Variants in NOL9 observed in about 807,000 individuals in gnomAD.
The protein encoded by NOL9 is polynucleotide 5'-hydroxyl-kinase NOL9.
NOL9 carries 28 observed loss-of-function variants against 67.9 expected under a neutral mutation model. The observed-to-expected ratio is 0.41, with a 90% CI of 0.31 to 0.57. The LOEUF (loss-of-function observed/expected upper bound fraction) is 0.57. Ranked by LOEUF, NOL9 falls within the 20% of genes least tolerant of loss-of-function variation. The probability of loss-of-function intolerance (pLI) is 0.25; values close to 1 mark genes in which losing one functional copy is unlikely to be tolerated. For missense variants in NOL9, 777 were observed against 897.0 expected (o/e 0.87, Z 1.71); for synonymous variants, 356 against 352.2 (o/e 1.01, Z -0.12).
intron 6 of NOL9, 99 bp from the exon 7 acceptor site, chr1:6,533,540 CA>C: frequency 2.3e-6 from 2 of 876,104 alleles, no homozygotes; most frequent in Non-Finnish European, 3.3e-6. Flanking sequence ...TTATCACTGA[CA>C]AAGAACCTTA....
chr1:6,532,655 T>C lies in NOL9; in HGVS notation c.1343A>G (p.Gln448Arg). 1.2e-6 allele frequency: 2 copies of C among 1,614,200 alleles called. No individual in the cohort carries two copies. The highest frequency in any genetic ancestry group is 2.2e-5 in the East Asian group (1 of 44,886). ...HSKYMPDLTP[Q>R]YVDDMDGLYT... ...CAAGCCATCCATGTCATCTACATAC[T>C]GCGGGGTAAGGTCTGGCATATATTT... The change falls in exon 8 of 12, where the codon CAG (glutamine) becomes CGG (arginine). Residue 448 changes from glutamine (Q) to arginine (R), a missense_variant. By Grantham distance (43) the Gln-to-Arg change is conservative. This residue lies in a region of NOL9 where 413 missense variants were observed against 552.6 expected (regional missense o/e 0.75). Coordinates refer to ENST00000377705, the MANE Select transcript of NOL9 (RefSeq NM_024654.5).
In NOL9 at chr1:6,541,946, G is replaced by GA. The variant is rs771853140; in HGVS notation, c.978-20dup. On this transcript the variant is annotated intron_variant, in intron 5 of 11. Coordinates refer to ENST00000377705, the MANE Select transcript of NOL9 (RefSeq NM_024654.5). Reference sequence around the variant, plus strand: ...GGGAAGACTGCAAATTTTTAAAAAAGAAAAAAGAAAGAAAATCCTAACTAG... The same window carrying GA: ...GGGAAGACTGCAAATTTTTAAAAAAGAAAAAAAGAAAGAAAATCCTAACTAG... 8.4e-5 allele frequency: 126 copies of GA among 1,507,808 alleles called. No individual in the cohort carries two copies. The African/African-American group carries it at 1.5e-3, about 18-fold the overall frequency. The allele number at this position is 1,507,808 out of a possible 1,614,324, so 93.4% of individuals were successfully genotyped here. A position where few individuals can be genotyped will look rare whatever the true frequency, so the allele number is the denominator to read the frequency against.
intron 3 of NOL9, 154 bp downstream of exon 3, chr1:6,549,417 C>T: frequency 5.0e-6 from 4 of 796,408 alleles, no homozygotes; most frequent in Non-Finnish European, 7.5e-6. Flanking sequence ...ATACACCTTT[C>T]TATAATAGTT....
rs147858484 is a variant in NOL9 at position 6,533,332 on chromosome 1, G to A, written c.1185C>T (p.Ser395=). 2.5e-5 allele frequency: 41 copies of A among 1,612,846 alleles called. No homozygotes were observed. The highest frequency in any genetic ancestry group is 6.6e-5 in the South Asian group (6 of 90,872). Reference sequence around the variant, plus strand: ...TGAGAGGGGACTCTCTCTTGTAAGCGCTGAACACATATTTCACTATGTCAA... The same window carrying A: ...TGAGAGGGGACTCTCTCTTGTAAGCACTGAACACATATTTCACTATGTCAA... ...NYIDIVKYVF[S]AYKRESPLIV... is the part of the protein sequence containing the mutation. Residue 395 remains serine (S), a synonymous_variant, in exon 7 of 12, where the codon AGC becomes AGT. Transcript: ENST00000377705.
At chr1:6,545,450 G>A (rs1639398091) in intron 3 of NOL9, among the ~76,000 whole-genome samples, 1 of 152,242 alleles carries the variant, frequency 6.6e-6, no homozygotes, top group African/African-American at 2.4e-5. Flanking sequence ...AGACATGACT[G>A]CACAGGAAAC....
At chr1:6,545,491 G>A (rs1382574816) in intron 3 of NOL9, among the ~76,000 whole-genome samples, 1 of 152,236 alleles carries the variant, frequency 6.6e-6, no homozygotes, top group Non-Finnish European at 1.5e-5. Context: ...TCTAGACCAG[G>A]TGAGTGATGT....
At chr1:6,553,064 G>A (rs774331744) in intron 1 of NOL9, among the ~76,000 whole-genome samples, 1 of 152,110 alleles carries the variant, frequency 6.6e-6, no homozygotes, top group Non-Finnish European at 1.5e-5. Context: ...TGCCAGCTTC[G>A]GCTTCCCAAA....
rs1248570872 is a variant in NOL9 at position 6,550,602 on chromosome 1, C to G, written c.410G>C (p.Ser137Thr). The change falls in exon 2 of 12, where the codon AGT becomes ACT. Residue 137 changes from serine to threonine, a missense_variant. Ser to Thr is a moderately conservative substitution (Grantham distance 58). Coordinates refer to ENST00000377705, the MANE Select transcript of NOL9 (RefSeq NM_024654.5). Reference protein sequence around the residue: ...LLPVEQGFTFSGICRVTCLYG... With the variant: ...LLPVEQGFTFTGICRVTCLYG... ...GAGGCAAGTCACACGACAGATCCCACTAAAAGTAAAACCCTAGCAGGGAGA... is the reference window on the plus strand; with the variant it reads ...GAGGCAAGTCACACGACAGATCCCAGTAAAAGTAAAACCCTAGCAGGGAGA... 2 of 1,612,098 alleles carry G rather than the reference C, an allele frequency of 1.2e-6. No homozygotes were observed. The highest frequency in any genetic ancestry group is 1.7e-6 in the Non-Finnish European group (2 of 1,179,068).
At chr1:6,540,477 C>T (rs1229057899) in intron 6 of NOL9, among the ~76,000 whole-genome samples, 1 of 151,914 alleles carries the variant, frequency 6.6e-6, no homozygotes, top group Non-Finnish European at 1.5e-5. Context: ...AAAACCACAC[C>T]CGACTAATTT....
intron 5 of NOL9, among the ~76,000 whole-genome samples, chr1:6,542,458 C>T (rs1284975046): frequency 3.8e-5 from 3 of 78,130 alleles, no homozygotes; most frequent in African/African-American, 1.1e-4. Context: ...GCACTGAGCC[C>T]AGCTGAATTT....
intron 2 of NOL9, 124 bp from the exon 3 acceptor site, chr1:6,549,822 T>A: frequency 1.8e-6 from 2 of 1,121,954 alleles, no homozygotes; most frequent in Non-Finnish European, 1.3e-6. Flanking sequence ...GTTGAGAGCC[T>A]TTTTCAGGGG....
rs775387373 is a variant in NOL9, at chr1:6,526,836, G to A, written c.1826-7C>T. 6.3e-7 allele frequency: 1 copy of A among 1,593,306 alleles called. No individual in the cohort carries two copies. Among genetic ancestry groups the A allele is most frequent in the South Asian group, 1.1e-5 (1 of 88,766 alleles). On this transcript the variant is annotated splice_region_variant and splice_polypyrimidine_tract_variant and intron_variant, in intron 10 of 11. Coordinates refer to ENST00000377705, the MANE Select transcript of NOL9 (RefSeq NM_024654.5). ...TCAATGCCTCTACAGATGCCTTCAA[G>A]ACACGCGCACAACACAAAAATCACC...
rs776292980 is a variant in NOL9, at chr1:6,524,066, T to G, written c.*1788A>C. 1.3e-5 allele frequency: 2 copies of G among 152,144 alleles called. No homozygotes were observed. Among genetic ancestry groups the G allele is most frequent in the African/African-American group, 2.4e-5 (1 of 41,448 alleles). 9.4% of individuals were successfully genotyped at this position (152,144 alleles called of 1,614,324 possible). On this transcript the variant is annotated 3_prime_UTR_variant, in exon 12 of 12. Coordinates refer to ENST00000377705, the MANE Select transcript of NOL9 (RefSeq NM_024654.5). ...ACAAGGCCAGCACAGTAAAACATCA[T>G]ATGAATGAGCCAGATTTCAACATAA...
chr1:6,552,480 T>G (rs1177269460), intron 1 of NOL9, among the ~76,000 whole-genome samples: 3 of 152,324 alleles, frequency 2.0e-5, no homozygotes, highest in South Asian at 2.1e-4. Flanking sequence ...TATTTATTTT[T>G]GGGACAGTAT....
In NOL9 at chr1:6,523,557, C is replaced by A. The variant is rs1364420201; in HGVS notation, c.*2297G>T. The A allele has an allele frequency of 2.5e-5, 2 of 79,006 alleles. No individual in the cohort carries two copies. Among genetic ancestry groups the A allele is most frequent in the African/African-American group, 9.0e-5 (2 of 22,200 alleles). 4.9% of individuals were successfully genotyped at this position (79,006 alleles called of 1,614,324 possible). ...TTGCGCCACTGCACTCCAGCCTGGG[C>A]AACAAGAGCGAAACTCCATCTCAAA... is the stretch of plus-strand genomic sequence containing the variant. On this transcript the variant is annotated 3_prime_UTR_variant, in exon 12 of 12. Transcript: ENST00000377705.
At chr1:6,554,048 G>T in intron 1 of NOL9, 59 bp downstream of exon 1, 2 of 1,388,084 alleles carry the variant, frequency 1.4e-6, no homozygotes. Flanking sequence ...CAGCTCTCCC[G>T]GGGCTGCCTC....
rs1227629985 is a variant in NOL9 at position 6,554,238 on chromosome 1, G to A, written c.265C>T (p.Pro89Ser). 7 of 1,509,500 alleles carry A rather than the reference G, an allele frequency of 4.6e-6. No individual in the cohort carries two copies. In the African/African-American group the frequency reaches 7.2e-5, roughly 16 times the overall value. 93.5% of individuals were successfully genotyped at this position (1,509,500 alleles called of 1,614,324 possible). A position where few individuals can be genotyped will look rare whatever the true frequency, so the allele number is the denominator to read the frequency against. Residue 89 changes from proline (P) to serine (S), a missense_variant, in exon 1 of 12, where the codon CCG (proline) becomes TCG (serine). By Grantham distance (74) the Pro-to-Ser change is moderately conservative (BLOSUM62 -1). Around this residue, in one of 2 missense-constraint regions of NOL9, gnomAD observed 364 missense variants for 344.4 expected, o/e 1.06. Coordinates refer to ENST00000377705, the MANE Select transcript of NOL9 (RefSeq NM_024654.5). ...GACTCGGGTTCGGAGGCCGGGGTCGGGCTAGGGATCGGGCTGGGGGTCGCG... is the reference window on the plus strand; with the variant it reads ...GACTCGGGTTCGGAGGCCGGGGTCGAGCTAGGGATCGGGCTGGGGGTCGCG... The part of the protein sequence containing the change: ...NTATPSPIPS[P>S]TPASEPESEP...
chr1:6,544,995 C>T, intron 4 of NOL9, 50 bp downstream of exon 4: 2 of 1,614,054 alleles, frequency 1.2e-6, no homozygotes, highest in Non-Finnish European at 1.7e-6. Flanking sequence ...TAATCTTCCT[C>T]TGGGGGTCTG....
chr1:6,545,238 T>A, intron 3 of NOL9, 58 bp from the exon 4 acceptor site: 1 of 1,507,878 alleles, frequency 6.6e-7, no homozygotes, highest in Non-Finnish European at 9.1e-7. Flanking sequence ...TCTTCAGTAC[T>A]AAATTAATCA....
Sources: allele counts gnomAD v4.1 joint callset (sites outside exome capture counted in the v4.1 genomes callset), GRCh38; gene constraint gnomAD v4.1.1; regional missense constraint gnomAD v4.1.1; transcripts MANE v1.5; gene names NCBI Gene and HGNC (gene_info 2026-07-23, HGNC 2026-07-21).